RBFOX1: variants seen among roughly 807,000 people sequenced by gnomAD.
The protein encoded by RBFOX1 is RNA binding fox-1 homolog 1, also known as RNA binding protein fox-1 homolog 1.
A neutral mutation model predicts 57.7 loss-of-function variants in RBFOX1; 8 were observed. The ratio of observed to expected loss-of-function variants is 0.14; its 90% CI spans 0.08 to 0.25. RBFOX1 has a LOEUF of 0.25. RBFOX1 is among the 10% of genes least tolerant of loss of function. The pLI is 1.00. For synonymous variants in RBFOX1, 326 were observed against 222.4 expected, an observed-to-expected ratio of 1.47 and a Z score of -4.15; for missense variants, 611 against 548.5, an observed-to-expected ratio of 1.11 and a Z score of -1.14.
intron 3 of RBFOX1, among the ~76,000 whole-genome samples, chr16:5,862,846 A>C (rs1360791220): frequency 6.6e-6 from 1 of 152,188 alleles, no homozygotes; most frequent in East Asian, 1.9e-4. Context: ...GGCACACACC[A>C]CATACTGGTT....
intron 3 of RBFOX1, among the ~76,000 whole-genome samples, chr16:6,688,751 C>G (rs976117628): frequency 2.6e-5 from 4 of 152,150 alleles, no homozygotes; most frequent in African/African-American, 9.7e-5. Context: ...AACCCATCAT[C>G]TACATTAGGT....
At chr16:6,491,171 C>CTATA (rs911622732) in intron 2 of RBFOX1, among the ~76,000 whole-genome samples, 30 of 151,056 alleles carry the variant, frequency 2.0e-4, no homozygotes, top group Non-Finnish European at 3.2e-4. Context: ...GCTACATAGT[C>CTATA]TATAGTCTAT....
At chr16:6,095,432 T>A (rs7198641) in intron 1 of RBFOX1, among the ~76,000 whole-genome samples, 1 of 152,152 alleles carries the variant, frequency 6.6e-6, no homozygotes, top group African/African-American at 2.4e-5. Flanking sequence ...GATTGGACCC[T>A]TGGGGGATGG....
chr16:5,674,800 G>A (rs1056452072), intron 3 of RBFOX1, among the ~76,000 whole-genome samples: 1 of 152,186 alleles, frequency 6.6e-6, no homozygotes, highest in Non-Finnish European at 1.5e-5. Flanking sequence ...CTGTTGGACA[G>A]ATTCAGATAT....
downstream of RBFOX1, among the ~76,000 whole-genome samples, chr16:5,600,978 C>T (rs1596395997): frequency 6.6e-6 from 1 of 152,198 alleles, no homozygotes; most frequent in Admixed American, 6.5e-5. Flanking sequence ...TGGACTTACC[C>T]TCTGACCCAC....
chr16:6,944,617 C>T (rs11866285), intron 3 of RBFOX1, among the ~76,000 whole-genome samples: 5,473 of 152,026 alleles, frequency 0.036, 325 homozygotes, highest in African/African-American at 0.12. Context: ...AATCTTCAGC[C>T]TCTGTCTAGT....
intron 1 of RBFOX1, among the ~76,000 whole-genome samples, chr16:6,204,354 T>C (rs1211981287): frequency 6.6e-6 from 1 of 152,212 alleles, no homozygotes; most frequent in African/African-American, 2.4e-5. Context: ...CTCATCCAGA[T>C]GTATTACTGA....
chr16:6,917,131 G>A lies in RBFOX1; in HGVS notation c.-15-134926G>A, dbSNP rs138420239. ...CTCCCAGAGTGCTGGGGTTACAGGT[G>A]TGAGCCACTGTACCCAGCCTGCAAA... On this transcript the variant is annotated intron_variant, in intron 3 of 15. Coordinates refer to ENST00000550418, the MANE Select transcript of RBFOX1 (RefSeq NM_018723.4). Among the ~76,000 whole-genome samples the A allele has an allele frequency of 5.7e-3, 869 of 152,302 alleles. 8 individuals are homozygous for A. The highest frequency in any genetic ancestry group is 0.02 in the African/African-American group (826 of 41,572).
intron 4 of RBFOX1, among the ~76,000 whole-genome samples, chr16:7,263,542 C>T (rs1368247543): frequency 6.6e-6 from 1 of 152,046 alleles, no homozygotes. Context: ...GCTTTGGGTT[C>T]AGGCAGGGCT....
At chr16:6,285,552 C>A (rs939316099) in intron 1 of RBFOX1, among the ~76,000 whole-genome samples, 16 of 152,300 alleles carry the variant, frequency 1.1e-4, no homozygotes, top group African/African-American at 2.9e-4. Flanking sequence ...AGAGACGTGG[C>A]TGTTTCTTTG....
chr16:7,071,589 G>C (rs1236578748), intron 4 of RBFOX1, among the ~76,000 whole-genome samples: 1 of 7,298 alleles, frequency 1.4e-4, no homozygotes, highest in Non-Finnish European at 2.4e-4. Flanking sequence ...GCCCAGATAT[G>C]TGTGTGTGTG....
intron 4 of RBFOX1, among the ~76,000 whole-genome samples, chr16:7,294,745 G>T (rs1159656248): frequency 5.3e-5 from 8 of 151,918 alleles, no homozygotes; most frequent in Non-Finnish European, 8.8e-5. Context: ...AAGTGCTTAC[G>T]AGGTTTAGAT....
intron 1 of RBFOX1, among the ~76,000 whole-genome samples, chr16:6,113,919 T>C (rs889945065): frequency 9.2e-5 from 14 of 152,202 alleles, no homozygotes; most frequent in African/African-American, 3.4e-4. Context: ...GACATTTCAT[T>C]ATTACGATCT....
In RBFOX1 at chr16:6,859,227, C is replaced by T. The variant is rs558883485; in HGVS notation, c.-15-192830C>T. 6.3e-5 allele frequency among the ~76,000 whole-genome samples: 7 copies of T among 111,692 alleles called. 1 individual carries two copies. Among genetic ancestry groups the T allele is most frequent in the East Asian group, 2.8e-4 (1 of 3,608 alleles). The allele number at this position is 111,692 out of a possible 152,430, so 73.3% of individuals were successfully genotyped here. On this transcript the variant is annotated intron_variant, in intron 3 of 15. Coordinates refer to ENST00000550418, the MANE Select transcript of RBFOX1 (RefSeq NM_018723.4). The stretch of plus-strand genomic sequence containing the variant: ...TATATATATACAAAAATTAGTTCCT[C>T]AATCCAATAAGAACATGATTCTGAC...
intron 3 of RBFOX1, among the ~76,000 whole-genome samples, chr16:5,836,548 A>C (rs2056463132): frequency 6.6e-6 from 1 of 152,116 alleles, no homozygotes; most frequent in Admixed American, 6.5e-5. Flanking sequence ...CGTCCACTTC[A>C]TCCCCAAGTC....
intron 4 of RBFOX1, among the ~76,000 whole-genome samples, chr16:7,262,039 G>A (rs1340537352): frequency 1.3e-5 from 2 of 152,128 alleles, no homozygotes; most frequent in African/African-American, 4.8e-5. Context: ...ACATTTATGG[G>A]AAAAGCAATT....
At chr16:5,888,534 G>A (rs555981184) in intron 4 of RBFOX1, among the ~76,000 whole-genome samples, 3 of 152,222 alleles carry the variant, frequency 2.0e-5, no homozygotes, top group East Asian at 1.9e-4. Flanking sequence ...AGTGGCTCAC[G>A]CCTGTAATCC....
At chr16:5,713,992 GCTCA>G (rs1160166370) in intron 3 of RBFOX1, among the ~76,000 whole-genome samples, 1 of 152,176 alleles carries the variant, frequency 6.6e-6, no homozygotes, top group African/African-American at 2.4e-5. Flanking sequence ...GTTTTAGGAA[GCTCA>G]CTCACAGGGC....
At chr16:7,653,632 C>G (rs1219012106) in intron 11 of RBFOX1, among the ~76,000 whole-genome samples, 183 bp from the exon 12 acceptor site, 1 of 152,218 alleles carries the variant, frequency 6.6e-6, no homozygotes, top group Non-Finnish European at 1.5e-5. Context: ...TACTCATCCT[C>G]TCTGGAGTCC....
Sources: allele counts gnomAD v4.1 joint callset (sites outside exome capture counted in the v4.1 genomes callset), GRCh38; gene constraint gnomAD v4.1.1; transcripts MANE v1.5; gene names NCBI Gene and HGNC (gene_info 2026-07-23, HGNC 2026-07-21).